The following GLIS3 variants were observed in gnomAD, a reference collection of about 807,000 sequenced individuals.
GLIS3 encodes zinc finger protein GLIS3.
A neutral mutation model predicts 78.6 loss-of-function variants in GLIS3; 53 were observed. The ratio of observed to expected loss-of-function variants is 0.67; its 90% confidence interval spans 0.54 to 0.85. The LOEUF is 0.85. GLIS3 is among the 40% of genes least tolerant of loss of function. The probability of loss-of-function intolerance (pLI) is 0.00; values close to 1 mark genes in which losing one functional copy is unlikely to be tolerated. For synonymous variants in GLIS3, 684 were observed against 509.9 expected (o/e 1.34, Z -4.60); for missense variants, 1,703 against 1,231.1 (o/e 1.38, Z -5.74).
intron 4 of GLIS3, among the ~76,000 whole-genome samples, chr9:4,070,001 G>T (rs1158748162): frequency 6.6e-6 from 1 of 152,022 alleles, no homozygotes; most frequent in Non-Finnish European, 1.5e-5. Context: ...ATGGCCTATG[G>T]TATCAAGGCA....
intron 3 of GLIS3, among the ~76,000 whole-genome samples, chr9:4,120,097 G>A (rs143470488): frequency 1.3e-5 from 2 of 152,210 alleles, no homozygotes; most frequent in African/African-American, 4.8e-5. Context: ...TATATAAAAC[G>A]TGTCTTCTCA....
chr9:4,389,666 A>T, the GLIS3 span, among the ~76,000 whole-genome samples: 1 of 152,134 alleles, frequency 6.6e-6, no homozygotes, highest in South Asian at 2.1e-4. Flanking sequence ...CAATCACATC[A>T]CGTCAAGCCA....
At chr9:4,073,635 T>C (rs1354184698) in intron 4 of GLIS3, among the ~76,000 whole-genome samples, 1 of 152,110 alleles carries the variant, frequency 6.6e-6, no homozygotes, top group Non-Finnish European at 1.5e-5. Flanking sequence ...TGTCCTATCA[T>C]ATTTCTCTCC....
At chr9:4,027,938 G>T (rs937232639) in intron 4 of GLIS3, among the ~76,000 whole-genome samples, 1 of 152,172 alleles carries the variant, frequency 6.6e-6, no homozygotes, top group Non-Finnish European at 1.5e-5. Flanking sequence ...CCTCGATCAA[G>T]GTAGAACCCA....
chr9:3,870,177 CAATT>C (rs894134394), intron 8 of GLIS3, among the ~76,000 whole-genome samples: 8 of 152,010 alleles, frequency 5.3e-5, no homozygotes, highest in African/African-American at 1.9e-4. Flanking sequence ...TCCCAATGAT[CAATT>C]AGAAAATGAT....
chr9:4,174,085 C>G (rs1198348939), intron 2 of GLIS3, among the ~76,000 whole-genome samples: 1 of 152,140 alleles, frequency 6.6e-6, no homozygotes, highest in Non-Finnish European at 1.5e-5. Context: ...TTAAGTAGGT[C>G]AGACTGTAAA....
At chr9:4,345,940 A>G (rs1294077172) in intron 2 of GLIS3, among the ~76,000 whole-genome samples, 1 of 152,250 alleles carries the variant, frequency 6.6e-6, no homozygotes, top group Non-Finnish European at 1.5e-5. Context: ...TAAATTCAAA[A>G]AGAATATTCA....
At chr9:4,257,200 T>C (rs1476046288) in intron 2 of GLIS3, among the ~76,000 whole-genome samples, 2 of 152,162 alleles carry the variant, frequency 1.3e-5, no homozygotes. Context: ...ACAATATGGA[T>C]GAACCTAGAG....
intron 2 of GLIS3, among the ~76,000 whole-genome samples, chr9:4,319,983 TTGTG>T (rs58794068): frequency 0.022 from 3,158 of 145,122 alleles, 121 homozygotes; most frequent in African/African-American, 0.074. Context: ...GTAGAGGGGG[TTGTG>T]TGTGTGTGTG....
At chr9:4,191,886 T>A (rs1818364422) in intron 2 of GLIS3, among the ~76,000 whole-genome samples, 1 of 151,944 alleles carries the variant, frequency 6.6e-6, no homozygotes, top group Non-Finnish European at 1.5e-5. Flanking sequence ...ATATTAAATA[T>A]TAATTAATAT....
At chr9:3,878,377 C>G (rs952134676) in intron 8 of GLIS3, among the ~76,000 whole-genome samples, 3 of 152,138 alleles carry the variant, frequency 2.0e-5, no homozygotes, top group Non-Finnish European at 4.4e-5. Context: ...GTGTCTGACA[C>G]ATAGAAGGTA....
At chr9:4,236,980 A>G (rs1031447967) in intron 2 of GLIS3, among the ~76,000 whole-genome samples, 1 of 152,024 alleles carries the variant, frequency 6.6e-6, no homozygotes, top group Non-Finnish European at 1.5e-5. Context: ...GTTGCACTAA[A>G]TCTAGGGAAT....
At chr9:3,878,325 G>A (rs1821465021) in intron 8 of GLIS3, among the ~76,000 whole-genome samples, 2 of 152,136 alleles carry the variant, frequency 1.3e-5, no homozygotes, top group Admixed American at 6.5e-5. Context: ...GTAAGGGCAG[G>A]AGCATATTTT....
intron 2 of GLIS3, among the ~76,000 whole-genome samples, chr9:4,135,861 T>C (rs1833368332): frequency 6.6e-6 from 1 of 152,210 alleles, no homozygotes; most frequent in South Asian, 2.1e-4. Context: ...TACTCCTCCT[T>C]AGAGCTAGAA....
chr9:3,941,033 C>T (rs551848422), intron 4 of GLIS3, among the ~76,000 whole-genome samples: 1 of 152,164 alleles, frequency 6.6e-6, no homozygotes, highest in South Asian at 2.1e-4. Flanking sequence ...AATCAGAATG[C>T]TGGGAGTGAG....
rs758230445 is a variant in GLIS3, at chr9:4,117,804, C to G, written c.1674G>C (p.Met558Ile). The change falls in exon 4 of 11, where the codon ATG (methionine) becomes ATC (isoleucine). Residue 558 changes from methionine to isoleucine, a missense_variant. Coordinates refer to ENST00000381971, the MANE Select transcript of GLIS3 (RefSeq NM_001042413.2). ...TGGGCTTCTCCCCAGAGTGGACTCT[C>G]ATGTGGATCAGCAGTTTATAGCGGG... is the stretch of plus-strand genomic sequence containing the variant. ...FNARYKLLIH[M>I]RVHSGEKPNK... is the part of the protein sequence containing the mutation. The G allele has an allele frequency of 6.2e-7, 1 of 1,614,166 alleles. No individual in the cohort carries two copies. Among genetic ancestry groups the G allele is most frequent in the Non-Finnish European group, 8.5e-7 (1 of 1,180,028 alleles).
At chr9:3,909,006 G>A (rs1228446662) in intron 6 of GLIS3, among the ~76,000 whole-genome samples, 2 of 152,146 alleles carry the variant, frequency 1.3e-5, no homozygotes, top group Non-Finnish European at 2.9e-5. Context: ...TGTCTCCAAT[G>A]AGCACAGTCC....
intron 9 of GLIS3, among the ~76,000 whole-genome samples, chr9:3,851,517 G>T (rs1235046085): frequency 6.6e-6 from 1 of 152,190 alleles, no homozygotes; most frequent in African/African-American, 2.4e-5. Context: ...CTGAGCTCTG[G>T]TCCTGGGTCA....
At chr9:4,349,282 A>G (rs1190934671), upstream of GLIS3, among the ~76,000 whole-genome samples, 1 of 152,238 alleles carries the variant, frequency 6.6e-6, no homozygotes, top group Admixed American at 6.5e-5. Context: ...TGTTATTTAA[A>G]TATTTTATGC....
Sources: gnomAD v4.1 joint callset for allele counts (sites outside exome capture counted in the v4.1 genomes callset) on GRCh38, gnomAD v4.1.1 for gene constraint, MANE v1.5 for transcripts, NCBI Gene and HGNC (gene_info 2026-07-23, HGNC 2026-07-21) for gene names.